Variants in RTL4 observed in about 807,000 individuals in gnomAD.
The protein encoded by RTL4 is retrotransposon Gag-like protein 4.
Under a neutral mutation model 5.3 loss-of-function variants are expected in RTL4, and 4 were observed. The ratio of observed to expected loss-of-function variants is 0.75; its 90% CI spans 0.37 to 1.72. The LOEUF is 1.72. Ranked by LOEUF, RTL4 falls within the 40% of genes most tolerant of loss-of-function variation. RTL4 has a pLI of 0.04. For missense variants in RTL4, 260 were observed against 227.1 expected (o/e 1.14, Z -0.93); for synonymous variants, 98 against 87.3 (o/e 1.12, Z -0.68).
the RTL4 span, among the ~76,000 whole-genome samples, chrX:112,403,261 A>C: frequency 8.9e-6 from 1 of 112,243 alleles, no homozygotes; most frequent in Non-Finnish European, 1.9e-5. Flanking sequence ...TATAATCCAC[A>C]AAGCTGTTTG....
At chrX:112,322,490 C>T in the RTL4 span, among the ~76,000 whole-genome samples, 2 of 110,921 alleles carry the variant, frequency 1.8e-5, no homozygotes, top group Non-Finnish European at 3.8e-5. Context: ...GAACAAAGCA[C>T]ATTCACGTAC....
chrX:112,354,780 T>G, the RTL4 span, among the ~76,000 whole-genome samples: 1 of 110,925 alleles, frequency 9.0e-6, no homozygotes, highest in Non-Finnish European at 1.9e-5. Context: ...GTGAAAGCAC[T>G]TCAAAACATT....
the RTL4 span, among the ~76,000 whole-genome samples, chrX:112,118,715 ATT>A: frequency 5.4e-5 from 6 of 111,806 alleles, no homozygotes; most frequent in Admixed American, 5.7e-4. Context: ...ATATGCACAT[ATT>A]TATGAGTATG....
At chrX:112,364,448 C>A in the RTL4 span, among the ~76,000 whole-genome samples, 139 of 111,965 alleles carry the variant, frequency 1.2e-3, 1 homozygote, top group East Asian at 0.031. Flanking sequence ...AAGACTCAAA[C>A]CAATTGTTGG....
At chrX:112,456,725 T>C (rs746245776) in exon 1 of RTL4, 2 of 166,668 alleles carry the variant, frequency 1.2e-5, no homozygotes, top group South Asian at 6.7e-4. Context: ...AGCTCTACCT[T>C]TATGGACCAC....
the RTL4 span, among the ~76,000 whole-genome samples, chrX:112,323,499 T>A: frequency 9.1e-6 from 1 of 110,432 alleles, no homozygotes; most frequent in Non-Finnish European, 1.9e-5. Flanking sequence ...TTATATTTTA[T>A]TTTTTCTTTT....
the RTL4 span, among the ~76,000 whole-genome samples, chrX:112,324,719 C>T: frequency 1.8e-5 from 2 of 110,917 alleles, no homozygotes; most frequent in Non-Finnish European, 3.8e-5. Context: ...AGAAAATATA[C>T]TTCATACAAT....
the RTL4 span, among the ~76,000 whole-genome samples, chrX:112,272,859 A>G: frequency 0.066 from 7,289 of 110,906 alleles, 569 homozygotes; most frequent in African/African-American, 0.23. Context: ...CCTATTGTAA[A>G]TGCTTTATAT....
the RTL4 span, among the ~76,000 whole-genome samples, chrX:112,148,051 C>T: frequency 9.0e-6 from 1 of 111,325 alleles, no homozygotes; most frequent in Non-Finnish European, 1.9e-5. Context: ...TCACCTAGCA[C>T]AGGACCTGGT....
chrX:112,359,658 T>C, the RTL4 span, among the ~76,000 whole-genome samples: 1 of 111,303 alleles, frequency 9.0e-6, no homozygotes. Flanking sequence ...CTCTTGGGAC[T>C]GAAGAAAAAT....
chrX:112,373,802 G>A, the RTL4 span, among the ~76,000 whole-genome samples: 3 of 110,005 alleles, frequency 2.7e-5, no homozygotes, highest in Non-Finnish European at 5.7e-5. Context: ...CCTAGCTTCA[G>A]GCCAACAATG....
chrX:112,273,020 G>A, the RTL4 span, among the ~76,000 whole-genome samples: 10 of 110,395 alleles, frequency 9.1e-5, no homozygotes, highest in South Asian at 2.3e-3. Flanking sequence ...ATCACCATGC[G>A]GCCATAACAA....
At chrX:112,270,862 A>G in the RTL4 span, among the ~76,000 whole-genome samples, 1 of 109,805 alleles carries the variant, frequency 9.1e-6, no homozygotes, top group African/African-American at 3.3e-5. Context: ...GGCTGTAAAG[A>G]AGAGGCATTT....
At chrX:112,200,750 A>T in the RTL4 span, among the ~76,000 whole-genome samples, 813 of 112,166 alleles carry the variant, frequency 7.2e-3, 12 homozygotes, top group African/African-American at 0.025. Flanking sequence ...CACCATTATT[A>T]TCCATGAGTC....
chrX:112,312,995 G>T, the RTL4 span, among the ~76,000 whole-genome samples: 1 of 111,244 alleles, frequency 9.0e-6, no homozygotes, highest in African/African-American at 3.3e-5. Context: ...GGAGTGCAGG[G>T]AATGTGTGTG....
the RTL4 span, among the ~76,000 whole-genome samples, chrX:112,165,390 C>G: frequency 1.8e-5 from 2 of 111,755 alleles, no homozygotes; most frequent in Non-Finnish European, 3.8e-5. Context: ...CCATCCTATC[C>G]AACACTTGAT....
chrX:112,114,742 G>A, the RTL4 span, among the ~76,000 whole-genome samples: 4 of 111,238 alleles, frequency 3.6e-5, no homozygotes, highest in Non-Finnish European at 5.7e-5. Flanking sequence ...GGGAGCTATC[G>A]GGAGGCTAGG....
the RTL4 span, among the ~76,000 whole-genome samples, chrX:112,257,354 T>C: frequency 3.6e-5 from 4 of 111,780 alleles, no homozygotes; most frequent in Non-Finnish European, 5.6e-5. Flanking sequence ...ATTGCTATTC[T>C]AATATTTTAT....
chrX:112,097,594 C>T, the RTL4 span, among the ~76,000 whole-genome samples: 1 of 111,501 alleles, frequency 9.0e-6, no homozygotes, highest in Non-Finnish European at 1.9e-5. Context: ...TGAGATTACG[C>T]CATCACGCTC....
Sources: gnomAD v4.1 joint callset for allele counts (sites outside exome capture counted in the v4.1 genomes callset) on GRCh38, gnomAD v4.1.1 for gene constraint, MANE v1.5 for transcripts, NCBI Gene and HGNC (gene_info 2026-07-23, HGNC 2026-07-21) for gene names.